The following SCHIP1 variants were observed in gnomAD, a reference collection of about 807,000 sequenced individuals.
The protein encoded by SCHIP1 is schwannomin-interacting protein 1.
SCHIP1 carries 8 observed loss-of-function variants against 29.7 expected under a neutral mutation model. The ratio of observed to expected loss-of-function variants is 0.27; its 90% CI spans 0.16 to 0.49. SCHIP1 has a LOEUF of 0.49. Ranked by LOEUF, SCHIP1 falls within the 20% of genes least tolerant of loss-of-function variation. The pLI is 0.99. For missense variants in SCHIP1, 193 were observed against 294.6 expected, an observed-to-expected ratio of 0.66 and a Z score of 2.52; for synonymous variants, 76 against 94.9, an observed-to-expected ratio of 0.80 and a Z score of 1.16.
chr3:159,326,439 C>T, the SCHIP1 span, among the ~76,000 whole-genome samples: 7 of 152,224 alleles, frequency 4.6e-5, no homozygotes, highest in South Asian at 6.2e-4. Flanking sequence ...ATATGTTTAA[C>T]GATTACAATT....
At chr3:159,835,864 C>G (rs1314754445), upstream of SCHIP1, among the ~76,000 whole-genome samples, 1 of 151,804 alleles carries the variant, frequency 6.6e-6, no homozygotes, top group Non-Finnish European at 1.5e-5. Context: ...TCCAAAACCC[C>G]CTTTCATTCT....
chr3:159,396,482 T>C, the SCHIP1 span, among the ~76,000 whole-genome samples: 2 of 148,020 alleles, frequency 1.4e-5, no homozygotes, highest in African/African-American at 2.5e-5. Context: ...CCATGTTTAG[T>C]GCTTCCTTCA....
At chr3:159,425,530 A>G in the SCHIP1 span, among the ~76,000 whole-genome samples, 472 of 152,290 alleles carry the variant, frequency 3.1e-3, 4 homozygotes, top group African/African-American at 0.011. Context: ...AGGAGCACCC[A>G]GATTCATAAA....
the SCHIP1 span, among the ~76,000 whole-genome samples, chr3:159,532,962 C>T: frequency 6.6e-6 from 1 of 152,118 alleles, no homozygotes. Flanking sequence ...ATAAAATTAA[C>T]TTGAAAAGAC....
the SCHIP1 span, among the ~76,000 whole-genome samples, chr3:159,532,169 T>C: frequency 0.011 from 1,748 of 152,348 alleles, 36 homozygotes; most frequent in African/African-American, 0.04. Context: ...AAATTTTTTG[T>C]CAAAGATTTC....
At chr3:159,484,822 G>A in the SCHIP1 span, among the ~76,000 whole-genome samples, 1 of 152,122 alleles carries the variant, frequency 6.6e-6, no homozygotes, top group Non-Finnish European at 1.5e-5. Flanking sequence ...TTTTCTGTCT[G>A]AGCCAAAGCA....
chr3:159,449,961 G>A, the SCHIP1 span, among the ~76,000 whole-genome samples: 1 of 152,156 alleles, frequency 6.6e-6, no homozygotes, highest in Admixed American at 6.5e-5. Context: ...AGAAGAGAGG[G>A]AAGAGAAGAG....
chr3:159,624,884 C>T, the SCHIP1 span, among the ~76,000 whole-genome samples: 12 of 152,190 alleles, frequency 7.9e-5, no homozygotes, highest in Non-Finnish European at 1.6e-4. Context: ...TGAGCCTAAA[C>T]TTGTAGCTTC....
chr3:159,896,748 A>C, exon 7 of SCHIP1: 1 of 1,608,254 alleles, frequency 6.2e-7, no homozygotes, highest in South Asian at 1.1e-5. Flanking sequence ...GCAGAAGCAC[A>C]TGGCAGAGAA....
chr3:159,546,263 G>A, the SCHIP1 span, among the ~76,000 whole-genome samples: 1 of 152,006 alleles, frequency 6.6e-6, no homozygotes, highest in African/African-American at 2.4e-5. Flanking sequence ...GAGTGGCAAT[G>A]GTAGGCATAA....
chr3:159,800,981 T>TTA, the SCHIP1 span, among the ~76,000 whole-genome samples: 1 of 145,458 alleles, frequency 6.9e-6, no homozygotes, highest in Non-Finnish European at 1.5e-5. Context: ...TTTTTTTTTT[T>TTA]AATATGCAGT....
chr3:159,628,979 TA>T, the SCHIP1 span, among the ~76,000 whole-genome samples: 1 of 151,908 alleles, frequency 6.6e-6, no homozygotes, highest in African/African-American at 2.4e-5. Flanking sequence ...AAAGATGAGG[TA>T]AAAAAAGTGA....
chr3:159,342,392 A>G, the SCHIP1 span, among the ~76,000 whole-genome samples: 2 of 152,240 alleles, frequency 1.3e-5, no homozygotes, highest in Admixed American at 6.5e-5. Flanking sequence ...TGCTCCTGGA[A>G]AAAAGAAATT....
the SCHIP1 span, among the ~76,000 whole-genome samples, chr3:159,663,842 A>C: frequency 6.6e-6 from 1 of 152,220 alleles, no homozygotes; most frequent in East Asian, 1.9e-4. Flanking sequence ...GCATTTATCC[A>C]GCAGTTCCTC....
the SCHIP1 span, among the ~76,000 whole-genome samples, chr3:159,801,828 A>T: frequency 5.3e-5 from 8 of 152,142 alleles, no homozygotes; most frequent in African/African-American, 1.9e-4. Context: ...TGCACGAGGT[A>T]GGAAAAAAAC....
At chr3:159,416,187 T>C in the SCHIP1 span, among the ~76,000 whole-genome samples, 1 of 152,218 alleles carries the variant, frequency 6.6e-6, no homozygotes, top group Non-Finnish European at 1.5e-5. Context: ...CAGTGTGCCC[T>C]CTTTTCCAAA....
At chr3:159,784,945 G>A in the SCHIP1 span, among the ~76,000 whole-genome samples, 11,170 of 152,250 alleles carry the variant, frequency 0.073, 1,327 homozygotes, top group African/African-American at 0.25. Flanking sequence ...GAGCCACTGC[G>A]CCTGGCCCAA....
intron 1 of SCHIP1, among the ~76,000 whole-genome samples, chr3:159,857,361 T>A (rs1253675475): frequency 6.6e-6 from 1 of 152,156 alleles, no homozygotes; most frequent in Non-Finnish European, 1.5e-5. Context: ...CTCTACTTGG[T>A]CTCTTTCCCT....
chr3:159,366,265 A>G, the SCHIP1 span, among the ~76,000 whole-genome samples: 1 of 152,156 alleles, frequency 6.6e-6, no homozygotes, highest in Non-Finnish European at 1.5e-5. Context: ...TACCACCAAG[A>G]CGATGGCCCA....
Sources: allele counts gnomAD v4.1 joint callset (sites outside exome capture counted in the v4.1 genomes callset), GRCh38; gene constraint gnomAD v4.1.1; transcripts MANE v1.5; gene names NCBI Gene and HGNC (gene_info 2026-07-23, HGNC 2026-07-21).